The following TRPM1 variants were observed in gnomAD, a reference collection of about 807,000 sequenced individuals.
TRPM1 encodes TRPM1-203 APA Isoform, Intron 10.
In TRPM1, 113 loss-of-function variants were observed where a neutral mutation model predicts 149.4. That is an observed-to-expected ratio of 0.76 (90% CI 0.65 to 0.88). The LOEUF (loss-of-function observed/expected upper bound fraction) is 0.88. TRPM1 is among the 40% of genes least tolerant of loss of function. The pLI, the probability that TRPM1 is intolerant of heterozygous loss-of-function variation, is 0.00. For missense variants in TRPM1, 1,976 were observed against 2,038.7 expected (o/e 0.97, Z 0.59); for synonymous variants, 741 against 759.5 (o/e 0.98, Z 0.40).
chr15:31,069,544 C>T, intron 4 of TRPM1: 24 of 1,163,262 alleles, frequency 2.1e-5, no homozygotes, highest in Non-Finnish European at 2.4e-5. Flanking sequence ...TGGCAGGGCT[C>T]ACTGGAAGGG....
chr15:31,088,390 T>C lies in TRPM1; in HGVS notation c.-83-6952A>G, dbSNP rs139564391. 6.7e-3 allele frequency among the ~76,000 whole-genome samples: 1,026 copies of C among 152,334 alleles called. 15 individuals carry two copies. Among genetic ancestry groups the C allele is most frequent in the African/African-American group, 0.023 (965 of 41,576 alleles). ...CTTTCTCCCTTGGCAATAAATGTTATTGCTGCAAGCAGAAAGTGTCTGGGT... is the reference window on the plus strand; with the variant it reads ...CTTTCTCCCTTGGCAATAAATGTTACTGCTGCAAGCAGAAAGTGTCTGGGT... On this transcript the variant is annotated intron_variant, in intron 1 of 27. Transcript: ENST00000256552.
intron 1 of TRPM1, among the ~76,000 whole-genome samples, chr15:31,132,354 C>G (rs995747702): frequency 2.0e-5 from 3 of 152,224 alleles, no homozygotes; most frequent in Admixed American, 6.5e-5. Flanking sequence ...ATTCAGGGCT[C>G]CAGCCCCAGC....
chr15:31,044,920 A>G (rs771840293), intron 16 of TRPM1, among the ~76,000 whole-genome samples: 6 of 152,184 alleles, frequency 3.9e-5, no homozygotes, highest in Non-Finnish European at 7.4e-5. Context: ...TCATTTTAGG[A>G]AACTATAAAT....
intron 1 of TRPM1, among the ~76,000 whole-genome samples, chr15:31,133,036 T>C (rs62038950): frequency 0.07 from 10,624 of 152,322 alleles, 502 homozygotes; most frequent in South Asian, 0.11. Flanking sequence ...ACAGTAAAAC[T>C]GGATTGCAGA....
Position 31,074,861 on chromosome 15 carries a change from GT to G in TRPM1, c.83+2043del, listed in dbSNP as rs561653805. ...CTTTACCTGCATCCCCTAAGTTTTG[GT>G]TTGTTATGTCTTCATTTCCATTTAC... On this transcript the variant is annotated intron_variant, in intron 3 of 27. Transcript: ENST00000256552. Among the ~76,000 whole-genome samples, 377 of 152,100 alleles carry G rather than the reference GT, an allele frequency of 2.5e-3. 2 individuals are homozygous for G. Among genetic ancestry groups the G allele is most frequent in the Middle Eastern group, 6.8e-3 (2 of 294 alleles).
chr15:31,092,699 A>C (rs1241907425), intron 1 of TRPM1, among the ~76,000 whole-genome samples: 1 of 152,166 alleles, frequency 6.6e-6, no homozygotes, highest in African/African-American at 2.4e-5. Context: ...AGGAGACCGC[A>C]CTGTTCATAA....
At chr15:31,124,391 T>A (rs974644001) in intron 1 of TRPM1, among the ~76,000 whole-genome samples, 50 of 152,194 alleles carry the variant, frequency 3.3e-4, no homozygotes, top group African/African-American at 1.2e-3. Context: ...CAGTGGCTCA[T>A]GCCTATAATC....
upstream of TRPM1, among the ~76,000 whole-genome samples, chr15:31,103,686 G>C (rs149825942): frequency 0.014 from 2,113 of 151,858 alleles, 49 homozygotes; most frequent in African/African-American, 0.049. Flanking sequence ...GGTGGTGGGT[G>C]CCTGTAATCC....
chr15:31,060,414 T>C, intron 11 of TRPM1, 130 bp downstream of exon 11: 1 of 787,318 alleles, frequency 1.3e-6, no homozygotes, highest in Non-Finnish European at 2.2e-6. Context: ...ATGAGCCTAA[T>C]AGATTACATA....
intron 1 of TRPM1, among the ~76,000 whole-genome samples, chr15:31,113,351 G>C (rs1044035837): frequency 3.9e-5 from 6 of 152,084 alleles, no homozygotes; most frequent in Non-Finnish European, 7.4e-5. Context: ...GAAAGAGCCA[G>C]GGCCACCATG....
chr15:31,030,869 TG>T, intron 23 of TRPM1, 113 bp downstream of exon 23: 2 of 1,218,470 alleles, frequency 1.6e-6, no homozygotes, highest in Non-Finnish European at 2.4e-6. Context: ...ATGCCTATGG[TG>T]GAGTGACAAA....
At chr15:31,017,233 C>T (rs766682489) in intron 27 of TRPM1, among the ~76,000 whole-genome samples, 4 of 152,082 alleles carry the variant, frequency 2.6e-5, no homozygotes, top group African/African-American at 4.8e-5. Context: ...TGCTTGAACC[C>T]GGGAGGCGGA....
chr15:31,161,097 G>A (rs747498582), exon 1 of TRPM1: 13 of 848,152 alleles, frequency 1.5e-5, no homozygotes, highest in Admixed American at 2.2e-5. Context: ...GCAGCCCCAC[G>A]CACTGGGCGA....
At position 31,038,402 on chromosome 15, in the gene TRPM1, G is replaced by A. The variant is rs2033499121; in HGVS notation, c.2317-236C>T. Among the ~76,000 whole-genome samples, 3 of 152,160 alleles carry A rather than the reference G, an allele frequency of 2.0e-5. No homozygotes were observed. The South Asian group carries it at 6.2e-4, about 31-fold the overall frequency. On this transcript the variant is annotated intron_variant, in intron 18 of 27. Coordinates refer to ENST00000256552, the MANE Select transcript of TRPM1 (RefSeq NM_001252024.2). The stretch of plus-strand genomic sequence containing the variant: ...AGATGAATGGCAAACAGCACTGTTG[G>A]TGATCCTAACTTTAAAAAGAAAAGT...
rs1295339900 is a variant in TRPM1, at chr15:31,002,286, C to T, written c.4414G>A (p.Gly1472Ser). ...FVYSRGRKLVGGVNQDVEYSS... is the reference protein window; with the variant it reads ...FVYSRGRKLVSGVNQDVEYSS... ...TACTCTACATCCTGGTTAACCCCAC[C>T]GACCAGCTTTCTTCCCCGGGAATAG... is the stretch of plus-strand genomic sequence containing the variant. The change falls in exon 28 of 28, where the codon GGT becomes AGT. Residue 1472 changes from glycine (G) to serine (S), a missense_variant. Physicochemically the swap from Gly to Ser is moderately conservative, Grantham distance 56. This residue lies in a region of TRPM1 where 572 missense variants were observed against 578.9 expected (regional missense o/e 0.99). Coordinates refer to ENST00000256552, the MANE Select transcript of TRPM1 (RefSeq NM_001252024.2). 1.1e-5 allele frequency: 17 copies of T among 1,614,084 alleles called. No individual in the cohort carries two copies. The highest frequency in any genetic ancestry group is 3.3e-5 in the South Asian group (3 of 91,088).
intron 1 of TRPM1, among the ~76,000 whole-genome samples, chr15:31,130,451 C>T (rs750802961): frequency 1.3e-4 from 20 of 152,158 alleles, no homozygotes; most frequent in Non-Finnish European, 2.5e-4. Flanking sequence ...CAGCCCTTTT[C>T]GAAAACAAAT....
At chr15:31,148,372 C>T (rs1403973016) in intron 1 of TRPM1, among the ~76,000 whole-genome samples, 1 of 152,186 alleles carries the variant, frequency 6.6e-6, no homozygotes, top group Non-Finnish European at 1.5e-5. Context: ...GGCTGGGAGC[C>T]TTCTGGTGGC....
At chr15:31,161,069 G>T in exon 1 of TRPM1, 1 of 1,122,890 alleles carries the variant, frequency 8.9e-7, no homozygotes, top group South Asian at 1.3e-5. Context: ...ACACTCGGCG[G>T]CAGCCCCACA....
chr15:31,149,710 G>T (rs561934431), intron 1 of TRPM1, among the ~76,000 whole-genome samples: 3 of 151,964 alleles, frequency 2.0e-5, no homozygotes, highest in Non-Finnish European at 4.4e-5. Context: ...TAGTAGAGAC[G>T]GGGTTTCACC....
Sources: allele counts gnomAD v4.1 joint callset (sites outside exome capture counted in the v4.1 genomes callset), GRCh38; gene constraint gnomAD v4.1.1; regional missense constraint gnomAD v4.1.1; transcripts MANE v1.5; gene names NCBI Gene and HGNC (gene_info 2026-07-23, HGNC 2026-07-21).